Variants in PTPN20 observed in about 807,000 individuals in gnomAD.
PTPN20 encodes the protein protein tyrosine phosphatase non-receptor type 20.
In PTPN20, 9 loss-of-function variants were observed where a neutral mutation model predicts 35.0. The observed-to-expected ratio is 0.26, with a 90% CI of 0.15 to 0.45. PTPN20 has a LOEUF of 0.45. Among genes scored for constraint, PTPN20 ranks in the 20% least tolerant of loss-of-function variants. The pLI, the probability that PTPN20 is intolerant of heterozygous loss-of-function variation, is 1.00. For missense variants in PTPN20, 111 were observed against 312.5 expected, an observed-to-expected ratio of 0.36 and a Z score of 4.86; for synonymous variants, 32 against 100.2, an observed-to-expected ratio of 0.32 and a Z score of 4.06.
intron 5 of PTPN20, among the ~76,000 whole-genome samples, chr10:46,949,201 G>A (rs1163851582): frequency 2.0e-5 from 3 of 152,152 alleles, no homozygotes; most frequent in African/African-American, 4.8e-5. Flanking sequence ...CTGAGGGAAT[G>A]GTTCTTCCCG....
At chr10:46,940,972 A>C (rs1371556439) in intron 3 of PTPN20, among the ~76,000 whole-genome samples, 1 of 151,784 alleles carries the variant, frequency 6.6e-6, no homozygotes, top group African/African-American at 2.4e-5. Flanking sequence ...ATGAAGATAC[A>C]AAATAAATGT....
intron 9 of PTPN20, among the ~76,000 whole-genome samples, chr10:46,998,953 A>T (rs560226207): frequency 8.0e-6 from 1 of 124,906 alleles, no homozygotes; most frequent in East Asian, 2.1e-4. Flanking sequence ...AAAATAAAAA[A>T]GTTAGCTGGG....
chr10:46,940,456 G>A, intron 2 of PTPN20, 167 bp from the exon 3 acceptor site: 1 of 661,504 alleles, frequency 1.5e-6, no homozygotes, highest in East Asian at 2.8e-5. Context: ...TTTCAAAGCA[G>A]GGGAGAAAGA....
intron 2 of PTPN20, among the ~76,000 whole-genome samples, chr10:46,938,079 T>C (rs1481818557): frequency 6.6e-6 from 1 of 151,916 alleles, no homozygotes; most frequent in Non-Finnish European, 1.5e-5. Context: ...GCCTCCTGAG[T>C]AGCTGGGATT....
intron 9 of PTPN20, among the ~76,000 whole-genome samples, chr10:46,993,213 T>TGG (rs2058344783): frequency 6.6e-6 from 1 of 152,220 alleles, no homozygotes; most frequent in African/African-American, 2.4e-5. Flanking sequence ...GATGATCCCC[T>TGG]GCCAGGTCCA....
At chr10:47,000,653 G>GT in intron 10 of PTPN20, 23 bp from the exon 11 acceptor site, 3 of 1,611,522 alleles carry the variant, frequency 1.9e-6, no homozygotes, top group Admixed American at 3.3e-5. Flanking sequence ...ACATTCTGTT[G>GT]TTTTTTATAT....
chr10:46,999,385 G>A (rs944233588), intron 9 of PTPN20, among the ~76,000 whole-genome samples: 2 of 152,126 alleles, frequency 1.3e-5, no homozygotes, highest in African/African-American at 4.8e-5. Flanking sequence ...GAGTTTCTGA[G>A]CACTTACTCC....
At chr10:46,984,017 C>T (rs2056319233) in intron 7 of PTPN20, among the ~76,000 whole-genome samples, 1 of 151,680 alleles carries the variant, frequency 6.6e-6, no homozygotes, top group Non-Finnish European at 1.5e-5. Context: ...AATAAACATC[C>T]CATAATTGTA....
Position 47,000,678 on chromosome 10 carries a change from G to A in PTPN20, c.1200G>A (p.Glu400=). 1 of 1,613,432 alleles carries A rather than the reference G, an allele frequency of 6.2e-7. No individual in the cohort carries two copies. Among genetic ancestry groups the A allele is most frequent in the Non-Finnish European group, 8.5e-7 (1 of 1,179,484 alleles). ...GTTTTTTATATATATGTATATAGGA[G>A]CAGTATCACTTTTGTTACGATATTG... ...EQRSGMVQTK[E]QYHFCYDIVL... is the part of the protein sequence containing the mutation. Residue 400 remains glutamate, a splice_region_variant and synonymous_variant, in exon 11 of 11, where the codon GAG becomes GAA. Transcript: ENST00000374339.
chr10:46,999,025 T>A lies in PTPN20; in HGVS notation c.1135-887T>A, dbSNP rs911273969. Among the ~76,000 whole-genome samples the A allele has an allele frequency of 4.4e-3, 669 of 152,176 alleles. 7 individuals carry two copies. The highest frequency in any genetic ancestry group is 0.016 in the African/African-American group (645 of 41,488). On this transcript the variant is annotated intron_variant, in intron 9 of 10. Transcript: ENST00000374339. Reference sequence around the variant, plus strand: ...AGGTTGAGGAGGGAGGATTGTAGTTTGAGATTGCAGTGAAATATGATGACA... The same window carrying A: ...AGGTTGAGGAGGGAGGATTGTAGTTAGAGATTGCAGTGAAATATGATGACA...
chr10:46,918,392 AT>A (rs1216982509), intron 1 of PTPN20, among the ~76,000 whole-genome samples: 1 of 44,964 alleles, frequency 2.2e-5, no homozygotes, highest in Non-Finnish European at 3.9e-5. Flanking sequence ...CATTTCATTG[AT>A]TTTTTTTCCT....
chr10:46,954,813 T>G (rs2047962903), intron 5 of PTPN20, among the ~76,000 whole-genome samples: 1 of 151,424 alleles, frequency 6.6e-6, no homozygotes, highest in Non-Finnish European at 1.5e-5. Flanking sequence ...TTTATTAAGG[T>G]GGAAACTTAG....
intron 7 of PTPN20, among the ~76,000 whole-genome samples, chr10:46,977,414 A>G (rs2054091151): frequency 1.3e-5 from 2 of 152,302 alleles, no homozygotes; most frequent in South Asian, 4.1e-4. Flanking sequence ...CTAGAGGAAC[A>G]GAATTTTAAG....
At chr10:46,953,335 T>TTTTC (rs201614690) in intron 5 of PTPN20, among the ~76,000 whole-genome samples, 20,555 of 113,158 alleles carry the variant, frequency 0.18, 1,111 homozygotes, top group Middle Eastern at 0.23. Flanking sequence ...CTTTCATTTC[T>TTTTC]TTTCTTTCTT....
rs2059808818 is a variant in PTPN20 at position 46,999,933 on chromosome 10, G to C, written c.1156G>C (p.Ala386Pro). The change falls in exon 10 of 11, where the codon GCC becomes CCC. Residue 386 changes from alanine to proline, a missense_variant. By Grantham distance (27) the Ala-to-Pro change is conservative. Coordinates refer to ENST00000374339, the MANE Select transcript of PTPN20 (RefSeq NM_001042357.5). ...NCSFNIMDIV[A>P]QMREQRSGMV... ...ACAGTTCAACATCATGGATATAGTG[G>C]CCCAAATGAGAGAACAACGTTCTGG... The C allele has an allele frequency of 6.2e-7, 1 of 1,613,694 alleles. No individual in the cohort carries two copies. Among genetic ancestry groups the C allele is most frequent in the African/African-American group, 1.3e-5 (1 of 75,000 alleles).
intron 2 of PTPN20, among the ~76,000 whole-genome samples, chr10:46,932,763 G>T (rs1288816200): frequency 1.4e-5 from 2 of 147,110 alleles, no homozygotes. Flanking sequence ...TTTTCAAATG[G>T]CATTTTTTTT....
In PTPN20 at chr10:46,994,352, G is replaced by A. The variant is rs1177621636; in HGVS notation, c.1135-5560G>A. Among the ~76,000 whole-genome samples, 20 of 105,174 alleles carry A rather than the reference G, an allele frequency of 1.9e-4. No individual in the cohort carries two copies. In the East Asian group the frequency reaches 6.2e-3, roughly 33 times the overall value. 69.0% of individuals were successfully genotyped at this position (105,174 alleles called of 152,430 possible). A position where few individuals can be genotyped will look rare whatever the true frequency, so the allele number is the denominator to read the frequency against. On this transcript the variant is annotated intron_variant, in intron 9 of 10. Coordinates refer to ENST00000374339, the MANE Select transcript of PTPN20 (RefSeq NM_001042357.5). Reference sequence around the variant, plus strand: ...TTTTTTTTTTTTTTTTTTTTGAGACGGAGTCTCGCTCTGTGGCCCAGGCGG... The same window carrying A: ...TTTTTTTTTTTTTTTTTTTTGAGACAGAGTCTCGCTCTGTGGCCCAGGCGG...
chr10:46,947,478 A>C (rs1464353135), intron 5 of PTPN20, among the ~76,000 whole-genome samples: 2 of 150,076 alleles, frequency 1.3e-5, no homozygotes, highest in Non-Finnish European at 3.0e-5. Flanking sequence ...AACGAGACAT[A>C]ATTTTTAATT....
At chr10:46,996,434 C>T (rs987703406) in intron 9 of PTPN20, among the ~76,000 whole-genome samples, 1 of 152,110 alleles carries the variant, frequency 6.6e-6, no homozygotes, top group Non-Finnish European at 1.5e-5. Flanking sequence ...CATAATTTGC[C>T]TAATCTTAAA....
Sources: allele counts gnomAD v4.1 joint callset (sites outside exome capture counted in the v4.1 genomes callset), GRCh38; gene constraint gnomAD v4.1.1; transcripts MANE v1.5; gene names NCBI Gene and HGNC (gene_info 2026-07-23, HGNC 2026-07-21).